Variants in EPHB1 observed in about 807,000 individuals in gnomAD.
The protein encoded by EPHB1 is ephrin type-B receptor 1.
In EPHB1, 30 loss-of-function variants were observed where a neutral mutation model predicts 94.4. The ratio of observed to expected loss-of-function variants is 0.32; its 90% CI spans 0.24 to 0.43. The LOEUF is 0.43. EPHB1 is among the 20% of genes least tolerant of loss of function. EPHB1 has a pLI of 1.00. For missense variants in EPHB1, 1,055 were observed against 1,308.3 expected, an observed-to-expected ratio of 0.81 and a Z score of 2.99; for synonymous variants, 522 against 489.1, an observed-to-expected ratio of 1.07 and a Z score of -0.89.
At chr3:135,066,404 C>T (rs959444140) in intron 3 of EPHB1, among the ~76,000 whole-genome samples, 1 of 152,074 alleles carries the variant, frequency 6.6e-6, no homozygotes, top group Non-Finnish European at 1.5e-5. Flanking sequence ...TTTCTTATTC[C>T]TTTTTCTTTG....
intron 1 of EPHB1, among the ~76,000 whole-genome samples, chr3:134,821,188 A>G (rs2036373506): frequency 6.6e-6 from 1 of 152,234 alleles, no homozygotes; most frequent in African/African-American, 2.4e-5. Context: ...GTTCTATTCA[A>G]GCCTTCAACT....
At chr3:135,094,418 G>C (rs554121969) in intron 3 of EPHB1, among the ~76,000 whole-genome samples, 6 of 152,194 alleles carry the variant, frequency 3.9e-5, no homozygotes, top group Admixed American at 3.9e-4. Context: ...GGTGTCTGTG[G>C]GGGCAGATCG....
intron 1 of EPHB1, among the ~76,000 whole-genome samples, chr3:134,909,755 C>T (rs1444636726): frequency 1.3e-5 from 2 of 152,180 alleles, no homozygotes; most frequent in East Asian, 1.9e-4. Flanking sequence ...AAAACCTTCA[C>T]CCCTACCTCC....
chr3:135,118,546 A>G (rs750867349), intron 4 of EPHB1, among the ~76,000 whole-genome samples: 1 of 152,316 alleles, frequency 6.6e-6, no homozygotes, highest in Non-Finnish European at 1.5e-5. Context: ...TCTACGCCTG[A>G]CAAGGTTCAG....
chr3:135,201,832 AC>A, intron 12 of EPHB1, 143 bp downstream of exon 12: 3 of 809,188 alleles, frequency 3.7e-6, no homozygotes, highest in Non-Finnish European at 3.9e-6. Context: ...TGCCAGGAGG[AC>A]CATCCAGCTG....
At chr3:134,942,777 C>T (rs2039145430) in intron 2 of EPHB1, among the ~76,000 whole-genome samples, 1 of 152,170 alleles carries the variant, frequency 6.6e-6, no homozygotes, top group African/African-American at 2.4e-5. Flanking sequence ...AATGGTGTTC[C>T]ATAATTCCAG....
intron 3 of EPHB1, among the ~76,000 whole-genome samples, chr3:135,059,875 T>A (rs1235919063): frequency 6.6e-6 from 1 of 152,088 alleles, no homozygotes; most frequent in Non-Finnish European, 1.5e-5. Context: ...AGCGTGCCGA[T>A]GTAAGAGATG....
chr3:134,915,345 G>T (rs1427513844), intron 1 of EPHB1, among the ~76,000 whole-genome samples: 1 of 152,134 alleles, frequency 6.6e-6, no homozygotes, highest in East Asian at 1.9e-4. Context: ...CCACATAAAG[G>T]CAGAGACAGA....
intron 15 of EPHB1, among the ~76,000 whole-genome samples, chr3:135,252,210 T>TTTTA (rs562070427): frequency 6.6e-6 from 1 of 151,628 alleles, no homozygotes; most frequent in East Asian, 1.9e-4. Flanking sequence ...TTTTAATATT[T>TTTTA]TTTATTTATT....
chr3:134,908,231 A>G (rs1233860396), intron 1 of EPHB1, among the ~76,000 whole-genome samples: 2 of 152,202 alleles, frequency 1.3e-5, no homozygotes, highest in Non-Finnish European at 2.9e-5. Context: ...GTATGCATCT[A>G]GAGGCTTCAG....
At chr3:134,809,909 A>G (rs1354697822) in intron 1 of EPHB1, among the ~76,000 whole-genome samples, 1 of 152,182 alleles carries the variant, frequency 6.6e-6, no homozygotes, top group Non-Finnish European at 1.5e-5. Context: ...GGTCCATTTA[A>G]TGGATGTGGC....
intron 3 of EPHB1, among the ~76,000 whole-genome samples, chr3:135,061,415 T>A (rs1937507342): frequency 7.6e-6 from 1 of 132,408 alleles, no homozygotes; most frequent in African/African-American, 2.7e-5. Context: ...ATTCTTATGC[T>A]TTTGCATCCT....
chr3:135,107,909 T>A (rs149725645), intron 4 of EPHB1, among the ~76,000 whole-genome samples: 155 of 152,312 alleles, frequency 1.0e-3, no homozygotes, highest in African/African-American at 3.4e-3. Context: ...GTCCTGTTTT[T>A]CTGTTGTGCT....
intron 9 of EPHB1, among the ~76,000 whole-genome samples, chr3:135,175,421 T>C (rs1381485382): frequency 6.6e-6 from 1 of 152,232 alleles, no homozygotes; most frequent in African/African-American, 2.4e-5. Context: ...TTTATAATTC[T>C]CCTGAGACTA....
chr3:135,258,164 C>A (rs1933495455), intron 15 of EPHB1, among the ~76,000 whole-genome samples: 1 of 152,222 alleles, frequency 6.6e-6, no homozygotes, highest in South Asian at 2.1e-4. Context: ...AATCACCCGT[C>A]TTCTGCGTCG....
At chr3:135,176,828 G>C (rs1941992744) in intron 9 of EPHB1, among the ~76,000 whole-genome samples, 1 of 152,132 alleles carries the variant, frequency 6.6e-6, no homozygotes, top group African/African-American at 2.4e-5. Flanking sequence ...GCATATTCTA[G>C]ATTGTTTAAT....
chr3:135,063,251 T>C (rs1937538977), intron 3 of EPHB1, among the ~76,000 whole-genome samples: 3 of 152,088 alleles, frequency 2.0e-5, no homozygotes. Flanking sequence ...ATGAGGATTG[T>C]GTTAAATTTG....
chr3:134,967,544 G>T (rs2107725183), intron 3 of EPHB1, among the ~76,000 whole-genome samples: 1 of 152,144 alleles, frequency 6.6e-6, no homozygotes, highest in Middle Eastern at 3.4e-3. Flanking sequence ...TATTACAATG[G>T]TTGTATTGTT....
intron 14 of EPHB1, among the ~76,000 whole-genome samples, chr3:135,249,113 C>T (rs554595660): frequency 3.3e-5 from 5 of 152,306 alleles, no homozygotes; most frequent in East Asian, 3.9e-4. Flanking sequence ...TCTGGGTTAA[C>T]TGAACTGTGA....
Sources: gnomAD v4.1 joint callset for allele counts (sites outside exome capture counted in the v4.1 genomes callset) on GRCh38, gnomAD v4.1.1 for gene constraint, MANE v1.5 for transcripts, NCBI Gene and HGNC (gene_info 2026-07-23, HGNC 2026-07-21) for gene names.